GFM2: variants seen among roughly 807,000 people sequenced by gnomAD.
GFM2 encodes GTP dependent ribosome recycling factor mitochondrial 2.
GFM2 carries 72 observed loss-of-function variants against 95.4 expected under a neutral mutation model. The observed-to-expected ratio is 0.76, with a 90% confidence interval of 0.62 to 0.92. GFM2 has a LOEUF of 0.92. GFM2 is among the 40% of genes least tolerant of loss of function. The pLI, the probability that GFM2 is intolerant of heterozygous loss-of-function variation, is 0.00. For missense variants in GFM2, 825 were observed against 924.1 expected (o/e 0.89, Z 1.39); for synonymous variants, 276 against 317.5 (o/e 0.87, Z 1.39).
chr5:74,754,952 C>T (rs753186692), intron 5 of GFM2, among the ~76,000 whole-genome samples: 4 of 151,924 alleles, frequency 2.6e-5, no homozygotes, highest in Non-Finnish European at 2.9e-5. Flanking sequence ...AAAAATTAGC[C>T]GGGCATGATG....
At chr5:74,766,591 T>C (rs1744628605) in intron 1 of GFM2, among the ~76,000 whole-genome samples, 1 of 152,166 alleles carries the variant, frequency 6.6e-6, no homozygotes, top group Admixed American at 6.5e-5. Context: ...GCCTCAGAAA[T>C]TTCTGGAATC....
chr5:74,765,287 C>G (rs1342921646), intron 1 of GFM2: 1 of 211,246 alleles, frequency 4.7e-6, no homozygotes, highest in African/African-American at 2.3e-5. Context: ...TCTGCCTACC[C>G]ACTGCTTTCT....
intron 17 of GFM2, among the ~76,000 whole-genome samples, chr5:74,728,759 T>TC (rs1750270930): frequency 9.2e-6 from 1 of 108,808 alleles, no homozygotes; most frequent in South Asian, 2.8e-4. Context: ...TTTTTTTTTT[T>TC]TTTTTTTTTT....
chr5:74,725,103 AT>A (rs1213364258), intron 19 of GFM2: 1 of 152,300 alleles, frequency 6.6e-6, no homozygotes, highest in African/African-American at 2.4e-5. Context: ...GTAGAGAAAT[AT>A]ATGGAACTCT....
chr5:74,745,013 T>C (rs1726223745), intron 10 of GFM2, among the ~76,000 whole-genome samples: 1 of 152,044 alleles, frequency 6.6e-6, no homozygotes, highest in South Asian at 2.1e-4. Flanking sequence ...CATGTAAACC[T>C]AAGTTCTTTA....
intron 7 of GFM2, among the ~76,000 whole-genome samples, chr5:74,748,378 TTC>T (rs775932155): frequency 2.0e-5 from 3 of 152,282 alleles, no homozygotes; most frequent in East Asian, 3.9e-4. Flanking sequence ...ACATAGAACA[TTC>T]TGTTACTCCT....
chr5:74,745,034 G>A (rs1489521987), intron 10 of GFM2, among the ~76,000 whole-genome samples: 1 of 151,986 alleles, frequency 6.6e-6, no homozygotes, highest in Non-Finnish European at 1.5e-5. Context: ...AGGATTTATG[G>A]TAAACTAAAG....
intron 3 of GFM2, among the ~76,000 whole-genome samples, chr5:74,760,250 A>C (rs1744208141): frequency 6.6e-6 from 1 of 152,164 alleles, no homozygotes. Context: ...AAATTCAGAG[A>C]CCTAGATACA....
chr5:74,740,799 C>CAT (rs1311868766), intron 11 of GFM2, among the ~76,000 whole-genome samples: 1 of 152,126 alleles, frequency 6.6e-6, no homozygotes, highest in African/African-American at 2.4e-5. Flanking sequence ...TTCATTCTAA[C>CAT]TTATGAGTGG....
chr5:74,731,712 GAC>G (rs1430798838), intron 16 of GFM2, among the ~76,000 whole-genome samples: 20 of 152,188 alleles, frequency 1.3e-4, no homozygotes, highest in African/African-American at 4.8e-4. Context: ...CAAATAAAAT[GAC>G]TTGTTTATAG....
At position 74,739,848 on chromosome 5, in the gene GFM2, C is replaced by T. The variant is rs116980944; in HGVS notation, c.1079+141G>A. 400 of 570,116 alleles carry T rather than the reference C, an allele frequency of 7.0e-4. 7 individuals carry two copies. In the East Asian group the frequency reaches 0.012, roughly 17 times the overall value. The allele number at this position is 570,116 out of a possible 1,614,324, so 35.3% of individuals were successfully genotyped here. On this transcript the variant is annotated intron_variant, in intron 12 of 20. Transcript: ENST00000296805. ...AAATGTTCCTTTCAAGCAAAAATTA[C>T]TATGATTCCTTATTACATCATTTGC...
At position 74,725,746 on chromosome 5, in the gene GFM2, A is replaced by C. The variant is rs759921553; in HGVS notation, c.1922T>G (p.Leu641Arg). 1.2e-6 allele frequency: 2 copies of C among 1,612,168 alleles called. No homozygotes were observed. Among genetic ancestry groups the C allele is most frequent in the East Asian group, 2.2e-5 (1 of 44,848 alleles). ...TGCTACATCCTGAATTGGGGATCCA[A>C]GCAATGGTCCTAGACAAGGGAAAAA... ...IHSACLQGPLLGSPIQDVAIT... is the reference protein window; with the variant it reads ...IHSACLQGPLRGSPIQDVAIT... Residue 641 changes from leucine to arginine, a missense_variant, in exon 19 of 21, where the codon CTT (leucine) becomes CGT (arginine). Coordinates refer to ENST00000296805, the MANE Select transcript of GFM2 (RefSeq NM_032380.5).
chr5:74,730,312 C>T lies in GFM2; in HGVS notation c.1674G>A (p.Gly558=). 1 of 1,613,334 alleles carries T rather than the reference C, an allele frequency of 6.2e-7. No homozygotes were observed. Among genetic ancestry groups the T allele is most frequent in the South Asian group, 1.1e-5 (1 of 91,022 alleles). ...KREYGLETYL[G]PLQVAYRETI... is the part of the protein sequence containing the mutation. ...TCTCTCGATATGCCACCTGGAGAGG[C>T]CCGAGATAGGTCTCCAGTCCATATT... The change falls in exon 17 of 21, where the codon GGG becomes GGA. Residue 558 remains glycine (G), a synonymous_variant. Coordinates refer to ENST00000296805, the MANE Select transcript of GFM2 (RefSeq NM_032380.5).
At chr5:74,723,587 C>T (rs973881588) in intron 19 of GFM2, among the ~76,000 whole-genome samples, 1 of 152,154 alleles carries the variant, frequency 6.6e-6, no homozygotes, top group African/African-American at 2.4e-5. Flanking sequence ...TACTTTGATA[C>T]TTCTCTCTTC....
Position 74,750,648 on chromosome 5 carries a change from C to T in GFM2, c.450G>A (p.Leu150=), listed in dbSNP as rs867915593. ...IDTPGHVDFT[L]EVERCLRVLD... ...ACACTCTTAGGCACCGCTCAACCTC[C>T]AAGGTAAAGTCCACATGACCTAAGA... The change falls in exon 7 of 21, where the codon TTG becomes TTA. Residue 150 remains leucine (L), a synonymous_variant. Transcript: ENST00000296805. 6 of 1,613,032 alleles carry T rather than the reference C, an allele frequency of 3.7e-6. No individual in the cohort carries two copies. The Middle Eastern group carries it at 9.9e-4, about 267-fold the overall frequency.
At chr5:74,734,709 G>A (rs923765359) in intron 15 of GFM2, among the ~76,000 whole-genome samples, 3 of 152,184 alleles carry the variant, frequency 2.0e-5, no homozygotes, top group African/African-American at 4.8e-5. Context: ...TATTTGTGAT[G>A]TTAGCATTGT....
intron 19 of GFM2, among the ~76,000 whole-genome samples, chr5:74,724,488 AAC>A (rs1491536761): frequency 5.9e-5 from 9 of 152,040 alleles, no homozygotes; most frequent in South Asian, 4.2e-4. Flanking sequence ...AAAAAAAAAA[AAC>A]AATTTAAAAA....
chr5:74,760,518 A>G (rs1193491654), intron 3 of GFM2, among the ~76,000 whole-genome samples: 1 of 152,222 alleles, frequency 6.6e-6, no homozygotes, highest in Admixed American at 6.5e-5. Flanking sequence ...CAAACTACTT[A>G]TAACAATCCT....
At chr5:74,752,625 C>T (rs1303981373) in intron 5 of GFM2, among the ~76,000 whole-genome samples, 1 of 152,166 alleles carries the variant, frequency 6.6e-6, no homozygotes, top group Non-Finnish European at 1.5e-5. Flanking sequence ...TTTAAAAACA[C>T]TTACACAGTA....
Sources: gnomAD v4.1 joint callset for allele counts (sites outside exome capture counted in the v4.1 genomes callset) on GRCh38, gnomAD v4.1.1 for gene constraint, MANE v1.5 for transcripts, NCBI Gene and HGNC (gene_info 2026-07-23, HGNC 2026-07-21) for gene names.